CSMD1: variants seen among roughly 807,000 people sequenced by gnomAD.
The protein encoded by CSMD1 is CUB and sushi domain-containing protein 1.
In CSMD1, 213 loss-of-function variants were observed where a neutral mutation model predicts 417.5. The ratio of observed to expected loss-of-function variants is 0.51; its 90% CI spans 0.46 to 0.57. CSMD1 has a LOEUF of 0.57. Among genes scored for constraint, CSMD1 ranks in the 20% least tolerant of loss-of-function variants. The pLI is 0.00. For missense variants in CSMD1, 6,923 were observed against 4,529.7 expected (o/e 1.53, Z -15.17); for synonymous variants, 2,862 against 1,736.8 (o/e 1.65, Z -16.11).
chr8:3,541,951 G>C (rs1380169406), intron 10 of CSMD1, among the ~76,000 whole-genome samples: 2 of 152,022 alleles, frequency 1.3e-5, no homozygotes, highest in East Asian at 1.9e-4. Flanking sequence ...AGGAGGTGGA[G>C]GTTGGAGTGA....
At chr8:3,472,519 C>G (rs922239885) in intron 11 of CSMD1, among the ~76,000 whole-genome samples, 1 of 152,076 alleles carries the variant, frequency 6.6e-6, no homozygotes, top group Non-Finnish European at 1.5e-5. Context: ...TCAATCCAAC[C>G]ATCCACTCTC....
intron 12 of CSMD1, among the ~76,000 whole-genome samples, chr8:3,411,749 CGT>C (rs1216049536): frequency 1.7e-5 from 2 of 120,484 alleles, no homozygotes; most frequent in African/African-American, 6.5e-5. Flanking sequence ...TATATATACA[CGT>C]GTATATACGT....
At chr8:4,504,840 C>A (rs988850103) in intron 2 of CSMD1, among the ~76,000 whole-genome samples, 10 of 152,166 alleles carry the variant, frequency 6.6e-5, no homozygotes, top group Admixed American at 5.9e-4. Flanking sequence ...GCATAGTATT[C>A]CATGATATAT....
At chr8:3,258,104 A>G (rs916972033) in intron 26 of CSMD1, among the ~76,000 whole-genome samples, 1 of 152,132 alleles carries the variant, frequency 6.6e-6, no homozygotes, top group African/African-American at 2.4e-5. Flanking sequence ...AGGTTTCTGG[A>G]TGGGCTGCAT....
intron 26 of CSMD1, among the ~76,000 whole-genome samples, chr8:3,250,884 C>A (rs60409078): frequency 0.067 from 10,195 of 152,152 alleles, 371 homozygotes; most frequent in African/African-American, 0.1. Flanking sequence ...TCTGTTCATA[C>A]CCCTCACCCA....
intron 1 of CSMD1, among the ~76,000 whole-genome samples, chr8:4,843,904 T>C (rs1330873594): frequency 4.6e-5 from 7 of 152,158 alleles, no homozygotes; most frequent in Non-Finnish European, 1.0e-4. Flanking sequence ...TGAGCTCTTT[T>C]CTGGGTGCAC....
chr8:3,730,723 A>G (rs532760733), intron 6 of CSMD1, among the ~76,000 whole-genome samples: 1 of 152,300 alleles, frequency 6.6e-6, no homozygotes, highest in East Asian at 1.9e-4. Context: ...ACAGACCTAG[A>G]AACTTATTCA....
intron 1 of CSMD1, among the ~76,000 whole-genome samples, chr8:4,751,290 C>G (rs1196062243): frequency 6.6e-6 from 1 of 151,944 alleles, no homozygotes; most frequent in South Asian, 2.1e-4. Context: ...GAGGCTGAGG[C>G]AGGAGAATCG....
chr8:4,203,328 C>T (rs1256117672), intron 3 of CSMD1, among the ~76,000 whole-genome samples: 2 of 152,036 alleles, frequency 1.3e-5, no homozygotes, highest in Non-Finnish European at 2.9e-5. Context: ...TCAGGGAGAC[C>T]CATCTGCAGG....
At chr8:3,771,710 G>C (rs1285540560) in intron 5 of CSMD1, among the ~76,000 whole-genome samples, 1 of 152,110 alleles carries the variant, frequency 6.6e-6, no homozygotes. Context: ...CGAGGTAAAA[G>C]CAGACAAAAC....
At chr8:3,751,331 T>C (rs540251618) in intron 6 of CSMD1, among the ~76,000 whole-genome samples, 4,234 of 130,968 alleles carry the variant, frequency 0.032, 242 homozygotes, top group African/African-American at 0.12. Flanking sequence ...TGTGTGTATA[T>C]ATATATATAT....
chr8:4,629,253 A>G (rs1031814757), intron 2 of CSMD1, among the ~76,000 whole-genome samples: 1 of 152,214 alleles, frequency 6.6e-6, no homozygotes, highest in Non-Finnish European at 1.5e-5. Flanking sequence ...TATCTATACA[A>G]AAATGTTGCA....
intron 58 of CSMD1, 141 bp from the exon 59 acceptor site, chr8:2,966,095 T>G: frequency 1.4e-6 from 1 of 696,486 alleles, no homozygotes; most frequent in Non-Finnish European, 2.4e-6. Context: ...TACTACCCTC[T>G]GTGTGATGAT....
chr8:4,720,303 T>G (rs1200120366), intron 1 of CSMD1, among the ~76,000 whole-genome samples: 1 of 152,116 alleles, frequency 6.6e-6, no homozygotes, highest in Non-Finnish European at 1.5e-5. Flanking sequence ...CAATGTGAAA[T>G]TCCTTCTTCT....
chr8:4,183,958 A>G (rs189801991), intron 3 of CSMD1, among the ~76,000 whole-genome samples: 1 of 152,282 alleles, frequency 6.6e-6, no homozygotes, highest in Non-Finnish European at 1.5e-5. Context: ...GCTCCTGAGA[A>G]CACAGAAGGA....
intron 36 of CSMD1, among the ~76,000 whole-genome samples, chr8:3,185,509 A>G (rs1821693860): frequency 1.3e-5 from 2 of 152,318 alleles, no homozygotes; most frequent in Admixed American, 6.5e-5. Flanking sequence ...TATGACTGAG[A>G]ACATTAGGTT....
Position 3,493,612 on chromosome 8 carries a change from G to T in CSMD1, c.1448+11C>A. 3 of 1,597,754 alleles carry T rather than the reference G, an allele frequency of 1.9e-6. No homozygotes were observed. The highest frequency in any genetic ancestry group is 2.6e-6 in the Non-Finnish European group (3 of 1,170,534). ...TGCATAAGAGAAGAAGAAGCTCAAGGACATACTCACACGTACAAGACCGAT... is the reference window on the plus strand; with the variant it reads ...TGCATAAGAGAAGAAGAAGCTCAAGTACATACTCACACGTACAAGACCGAT... On this transcript the variant is annotated intron_variant, in intron 11 of 69. Transcript: ENST00000635120.
At chr8:4,887,292 T>C (rs1479421297) in intron 1 of CSMD1, among the ~76,000 whole-genome samples, 4 of 152,120 alleles carry the variant, frequency 2.6e-5, no homozygotes, top group Non-Finnish European at 5.9e-5. Flanking sequence ...TAGTTTCTAC[T>C]AGAGGCTTTT....
At chr8:4,773,419 A>C (rs892249220) in intron 1 of CSMD1, among the ~76,000 whole-genome samples, 4 of 152,178 alleles carry the variant, frequency 2.6e-5, no homozygotes, top group African/African-American at 7.2e-5. Context: ...CAGTTGCTTT[A>C]CTAACGTATC....
Sources: gnomAD v4.1 joint callset for allele counts (sites outside exome capture counted in the v4.1 genomes callset) on GRCh38, gnomAD v4.1.1 for gene constraint, MANE v1.5 for transcripts, NCBI Gene and HGNC (gene_info 2026-07-23, HGNC 2026-07-21) for gene names.